The following EPHB3 variants were observed in gnomAD, a reference collection of about 807,000 sequenced individuals.
The protein encoded by EPHB3 is EPH receptor B3, also known as ephrin type-B receptor 3.
A neutral mutation model predicts 100.2 loss-of-function variants in EPHB3; 33 were observed. The ratio of observed to expected loss-of-function variants is 0.33; its 90% CI spans 0.25 to 0.44. The LOEUF is 0.44. Ranked by LOEUF, EPHB3 falls within the 20% of genes least tolerant of loss-of-function variation. EPHB3 has a pLI of 1.00. For synonymous variants in EPHB3, 526 were observed against 554.7 expected (o/e 0.95, Z 0.73); for missense variants, 1,045 against 1,378.3 (o/e 0.76, Z 3.83).
chr3:184,567,126 T>C (rs533001916), intron 1 of EPHB3, among the ~76,000 whole-genome samples: 1 of 152,128 alleles, frequency 6.6e-6, no homozygotes, highest in Non-Finnish European at 1.5e-5. Flanking sequence ...GACAGTGCCA[T>C]TGTGCTGGCA....
In EPHB3 at chr3:184,562,732, C is replaced by T. The variant is rs13090829; in HGVS notation, c.118+379C>T. Among the ~76,000 whole-genome samples, 552 of 152,058 alleles carry T rather than the reference C, an allele frequency of 3.6e-3. 6 individuals are homozygous for T. The highest frequency in any genetic ancestry group is 0.012 in the African/African-American group (510 of 41,496). On this transcript the variant is annotated intron_variant, in intron 1 of 15. Coordinates refer to ENST00000330394, the MANE Select transcript of EPHB3 (RefSeq NM_004443.4). The surrounding 1 kb of genome is among the most constrained non-coding windows in gnomAD (Gnocchi z 4.8). ...CCCAGGCAAGGCGAGGGCCGCGGGG[C>T]TGTGGCGGGTGGGGGCGAAGCGGGA...
rs1714558305 is a variant in EPHB3, at chr3:184,572,240, T to TA, written c.184-263dup. Among the ~76,000 whole-genome samples the TA allele has an allele frequency of 6.6e-6, 1 of 152,226 alleles. No individual in the cohort carries two copies. Among genetic ancestry groups the TA allele is most frequent in the South Asian group, 2.1e-4 (1 of 4,832 alleles). ...GTTCCTAGTCCTGTCCTAAATGCTT[T>TA]ATTCAGTTAAAGTCATTATTCCTTA... is the stretch of plus-strand genomic sequence containing the variant. On this transcript the variant is annotated intron_variant, in intron 2 of 15. Coordinates refer to ENST00000330394, the MANE Select transcript of EPHB3 (RefSeq NM_004443.4). The surrounding 1 kb of genome is among the most constrained non-coding windows in gnomAD (Gnocchi z 6.6).
chr3:184,571,120 A>T lies in EPHB3; in HGVS notation c.119-198A>T, dbSNP rs1228704919. ...ACAGGCGTGCGCCACCAGCCTGGCT[A>T]ATTTTGTATTTTTAGTAGAGATGGG... On this transcript the variant is annotated intron_variant, in intron 1 of 15. Transcript: ENST00000330394. This position sits in a 1 kb window ranked among gnomAD's most constrained non-coding sequence, Gnocchi z 5.0. Among the ~76,000 whole-genome samples the T allele has an allele frequency of 4.0e-5, 6 of 151,618 alleles. No homozygotes were observed. The highest frequency in any genetic ancestry group is 1.5e-4 in the African/African-American group (6 of 41,216).
chr3:184,577,468 G>A lies in EPHB3; in HGVS notation c.1479+1G>A. 6.2e-7 allele frequency: 1 copy of A among 1,613,996 alleles called. No homozygotes were observed. The highest frequency in any genetic ancestry group is 8.5e-7 in the Non-Finnish European group (1 of 1,179,982). On this transcript the variant is annotated splice_donor_variant, in intron 6 of 15. Coordinates refer to ENST00000330394, the MANE Select transcript of EPHB3 (RefSeq NM_004443.4). LOFTEE classifies it high-confidence loss of function. This position sits in a 1 kb window ranked among gnomAD's most constrained non-coding sequence, Gnocchi z 4.9. ...CTACGAGATGAAGTACTTTGAGAAG[G>A]TCAGAACCTCAAGGGGCAGGAGGAG...
Position 184,581,565 on chromosome 3 carries a change from G to T in EPHB3, c.2940G>T (p.Leu980=). ...TGGCCGGCCACCAGAAGAAGATCCT[G>T]AGCAGTATCCAGGACATGCGGCTGC... ...VTLAGHQKKI[L]SSIQDMRLQM... Residue 980 remains leucine, a synonymous_variant, in exon 16 of 16, where the codon CTG becomes CTT. Coordinates refer to ENST00000330394, the MANE Select transcript of EPHB3 (RefSeq NM_004443.4). 6.2e-7 allele frequency: 1 copy of T among 1,613,914 alleles called. No homozygotes were observed. The highest frequency in any genetic ancestry group is 1.3e-5 in the African/African-American group (1 of 75,060).
intron 1 of EPHB3, among the ~76,000 whole-genome samples, chr3:184,567,901 A>G (rs1187909826): frequency 6.6e-6 from 1 of 152,180 alleles, no homozygotes; most frequent in Non-Finnish European, 1.5e-5. Context: ...TGTAGGAAAG[A>G]TTCACTGTAT....
In EPHB3 at chr3:184,580,606, A is replaced by C. The variant is rs1577532451; in HGVS notation, c.2377A>C (p.Thr793Pro). 1 of 1,613,206 alleles carries C rather than the reference A, an allele frequency of 6.2e-7. No individual in the cohort carries two copies. Among genetic ancestry groups the C allele is most frequent in the Admixed American group, 1.7e-5 (1 of 59,988 alleles). Reference sequence around the variant, plus strand: ...GGATGACCCCTCCGATCCTACCTACACCAGTTCCCTGGTACAGGAAGCCGC... The same window carrying C: ...GGATGACCCCTCCGATCCTACCTACCCCAGTTCCCTGGTACAGGAAGCCGC... The part of the protein sequence containing the change: ...LEDDPSDPTY[T>P]SSLGGKIPIR... The change falls in exon 12 of 16, where the codon ACC becomes CCC. Residue 793 changes from threonine to proline, a missense_variant. This residue lies in a region of EPHB3 where 985 missense variants were observed against 1,331.1 expected (regional missense o/e 0.74). Coordinates refer to ENST00000330394, the MANE Select transcript of EPHB3 (RefSeq NM_004443.4).
chr3:184,576,154 CT>C (rs1242822327), intron 4 of EPHB3, among the ~76,000 whole-genome samples, 169 bp downstream of exon 4: 1 of 152,216 alleles, frequency 6.6e-6, no homozygotes, highest in Non-Finnish European at 1.5e-5. Context: ...GTGACTGCCC[CT>C]GAGCCAGAAT....
chr3:184,582,275 TGTGCGC>T lies in EPHB3; in HGVS notation c.*655_*660del, dbSNP rs1427991976. Reference sequence around the variant, plus strand: ...GTGAGTGTGTGTGTGTGTGTGTGTGTGTGCGCGCGCGCGCGCGTGTGTGTGTGCACG... The same window carrying T: ...GTGAGTGTGTGTGTGTGTGTGTGTGTGCGCGCGCGCGTGTGTGTGTGCACG... On this transcript the variant is annotated 3_prime_UTR_variant, in exon 16 of 16. Transcript: ENST00000330394. The T allele has an allele frequency of 4.3e-4, 23 of 53,082 alleles. No individual in the cohort carries two copies. Among genetic ancestry groups the T allele is most frequent in the African/African-American group, 9.6e-4 (8 of 8,342 alleles). 3.3% of individuals were successfully genotyped at this position (53,082 alleles called of 1,614,324 possible).
intron 1 of EPHB3, among the ~76,000 whole-genome samples, chr3:184,566,022 C>G (rs1714375582): frequency 6.6e-6 from 1 of 152,146 alleles, no homozygotes; most frequent in South Asian, 2.1e-4. Flanking sequence ...CGGGATTGGG[C>G]AGCTGGGGGG....
rs1236051959 is a variant in EPHB3 at position 184,573,962 on chromosome 3, G to A, written c.856+786G>A. On this transcript the variant is annotated intron_variant, in intron 3 of 15. Transcript: ENST00000330394. This position sits in a 1 kb window ranked among gnomAD's most constrained non-coding sequence, Gnocchi z 4.5. Reference sequence around the variant, plus strand: ...ACTCCTGACCTCAAGTGATCCACCCGCCTCGGCCTCCCAAAGCGTTGGGAT... The same window carrying A: ...ACTCCTGACCTCAAGTGATCCACCCACCTCGGCCTCCCAAAGCGTTGGGAT... 2.0e-5 allele frequency among the ~76,000 whole-genome samples: 3 copies of A among 152,108 alleles called. No individual in the cohort carries two copies. The East Asian group carries it at 5.8e-4, about 29-fold the overall frequency.
chr3:184,576,064 T>C, intron 4 of EPHB3, 79 bp downstream of exon 4: 3 of 1,490,424 alleles, frequency 2.0e-6, no homozygotes, highest in Non-Finnish European at 2.7e-6. Flanking sequence ...AAGCAGTCAC[T>C]ATGAATAGCC....
Position 184,565,289 on chromosome 3 carries a change from G to T in EPHB3, c.118+2936G>T, listed in dbSNP as rs1228922167. Among the ~76,000 whole-genome samples the T allele has an allele frequency of 6.6e-6, 1 of 152,080 alleles. No individual in the cohort carries two copies. The highest frequency in any genetic ancestry group is 1.5e-5 in the Non-Finnish European group (1 of 68,028). On this transcript the variant is annotated intron_variant, in intron 1 of 15. Transcript: ENST00000330394. This position sits in a 1 kb window ranked among gnomAD's most constrained non-coding sequence, Gnocchi z 4.8. Reference sequence around the variant, plus strand: ...CCACCTTGTCACCCACTGGTCTTTTGAGTAATGTTCCCCAGTTCCCCAAAG... The same window carrying T: ...CCACCTTGTCACCCACTGGTCTTTTTAGTAATGTTCCCCAGTTCCCCAAAG...
Position 184,577,480 on chromosome 3 carries a change from A to G in EPHB3, c.1479+13A>G, listed in dbSNP as rs759191202. 3.7e-6 allele frequency: 6 copies of G among 1,613,600 alleles called. No homozygotes were observed. The highest frequency in any genetic ancestry group is 5.1e-6 in the Non-Finnish European group (6 of 1,179,862). ...GTACTTTGAGAAGGTCAGAACCTCAAGGGGCAGGAGGAGGCCTTGGGCTGA... is the reference window on the plus strand; with the variant it reads ...GTACTTTGAGAAGGTCAGAACCTCAGGGGGCAGGAGGAGGCCTTGGGCTGA... On this transcript the variant is annotated intron_variant, in intron 6 of 15. Transcript: ENST00000330394. This position sits in a 1 kb window ranked among gnomAD's most constrained non-coding sequence, Gnocchi z 4.9.
At chr3:184,575,114 C>T (rs1399770888) in intron 3 of EPHB3, 1 of 982,196 alleles carries the variant, frequency 1.0e-6, no homozygotes, top group Admixed American at 6.1e-5. Flanking sequence ...CATCAATCCA[C>T]AGAGCCTGTG....
chr3:184,564,738 G>C (rs1277629049), intron 1 of EPHB3, among the ~76,000 whole-genome samples: 4 of 152,116 alleles, frequency 2.6e-5, no homozygotes, highest in African/African-American at 9.7e-5. Context: ...TGGGGAGAGA[G>C]CTGGCCCAGT....
chr3:184,565,890 G>A lies in EPHB3; in HGVS notation c.118+3537G>A, dbSNP rs1172880133. On this transcript the variant is annotated intron_variant, in intron 1 of 15. Coordinates refer to ENST00000330394, the MANE Select transcript of EPHB3 (RefSeq NM_004443.4). This position sits in a 1 kb window ranked among gnomAD's most constrained non-coding sequence, Gnocchi z 4.8. ...TGAAGCCGAAGCTGCCGAAGCTGCC[G>A]TGGGCAAGGCCTCTGCCGCACGGCC... is the stretch of plus-strand genomic sequence containing the variant. Among the ~76,000 whole-genome samples, 4 of 152,264 alleles carry A rather than the reference G, an allele frequency of 2.6e-5. No homozygotes were observed. Among genetic ancestry groups the A allele is most frequent in the East Asian group, 3.8e-4 (2 of 5,202 alleles).
Position 184,581,239 on chromosome 3 carries a change from T to C in EPHB3, c.2733-14T>C. The C allele has an allele frequency of 1.3e-6, 2 of 1,598,254 alleles. No homozygotes were observed. Among genetic ancestry groups the C allele is most frequent in the Non-Finnish European group, 1.7e-6 (2 of 1,170,710 alleles). Reference sequence around the variant, plus strand: ...ACCTTCAAGACTCACCAGGTCCTTCTCTTCTTCCCACAGCATGTCACAGCC... The same window carrying C: ...ACCTTCAAGACTCACCAGGTCCTTCCCTTCTTCCCACAGCATGTCACAGCC... On this transcript the variant is annotated splice_polypyrimidine_tract_variant and intron_variant, in intron 14 of 15. Transcript: ENST00000330394.
rs1714495912 is a variant in EPHB3, at chr3:184,569,762, C to T, written c.119-1556C>T. Reference sequence around the variant, plus strand: ...GTCCTCCGCCGTCCTCGGCTCAGACCCAGCCTCCGGGAAACCACTGAAGGC... The same window carrying T: ...GTCCTCCGCCGTCCTCGGCTCAGACTCAGCCTCCGGGAAACCACTGAAGGC... On this transcript the variant is annotated intron_variant, in intron 1 of 15. Transcript: ENST00000330394. The surrounding 1 kb of genome is among the most constrained non-coding windows in gnomAD (Gnocchi z 5.4). 6.6e-6 allele frequency among the ~76,000 whole-genome samples: 1 copy of T among 152,260 alleles called. No homozygotes were observed. Among genetic ancestry groups the T allele is most frequent in the African/African-American group, 2.4e-5 (1 of 41,478 alleles).
Sources: gnomAD v4.1 joint callset for allele counts (sites outside exome capture counted in the v4.1 genomes callset) on GRCh38, gnomAD v4.1.1 for gene constraint, gnomAD v4.1.1 regional missense constraint, Gnocchi (gnomAD v3.1) non-coding constraint, MANE v1.5 for transcripts, NCBI Gene and HGNC (gene_info 2026-07-23, HGNC 2026-07-21) for gene names.